Variants in SYN3 observed in about 807,000 individuals in gnomAD.
The protein encoded by SYN3 is synapsin-3.
Under a neutral mutation model 65.8 loss-of-function variants are expected in SYN3, and 35 were observed. The ratio of observed to expected loss-of-function variants is 0.53; its 90% CI spans 0.41 to 0.70. SYN3 has a LOEUF of 0.70. Among genes scored for constraint, SYN3 ranks in the 30% least tolerant of loss-of-function variants. The probability of loss-of-function intolerance (pLI) is 0.00; values close to 1 mark genes in which losing one functional copy is unlikely to be tolerated. For synonymous variants in SYN3, 270 were observed against 292.9 expected (o/e 0.92, Z 0.80); for missense variants, 680 against 749.0 (o/e 0.91, Z 1.08).
chr22:32,599,305 A>G (rs1425630753), intron 6 of SYN3, among the ~76,000 whole-genome samples: 4 of 151,392 alleles, frequency 2.6e-5, no homozygotes, highest in Non-Finnish European at 5.9e-5. Context: ...CTGCTTAGAC[A>G]GCTGAAGCCC....
intron 6 of SYN3, among the ~76,000 whole-genome samples, chr22:32,816,045 G>C (rs995768136): frequency 6.6e-6 from 1 of 152,178 alleles, no homozygotes; most frequent in Non-Finnish European, 1.5e-5. Flanking sequence ...AGGCAAAGCA[G>C]GCTCGTCTCC....
intron 6 of SYN3, chr22:32,861,140 C>T (rs1383210444): frequency 1.3e-5 from 2 of 148,438 alleles, no homozygotes; most frequent in Non-Finnish European, 3.0e-5. Flanking sequence ...GTTCATTCCA[C>T]TTTAGGAAAC....
chr22:32,821,369 C>A (rs1017499298), intron 6 of SYN3, among the ~76,000 whole-genome samples: 1 of 152,208 alleles, frequency 6.6e-6, no homozygotes. Flanking sequence ...TGAAGATCTG[C>A]ACTTGCTCTT....
chr22:32,934,573 A>T (rs1256651800), intron 3 of SYN3, among the ~76,000 whole-genome samples: 1 of 152,244 alleles, frequency 6.6e-6, no homozygotes, highest in South Asian at 2.1e-4. Context: ...CATGGAAATG[A>T]ACACAGAGGT....
At chr22:32,794,502 G>A (rs1190640559) in intron 6 of SYN3, among the ~76,000 whole-genome samples, 2 of 152,190 alleles carry the variant, frequency 1.3e-5, no homozygotes, top group African/African-American at 2.4e-5. Context: ...ATGTGTGACG[G>A]TGATACTCTG....
intron 1 of SYN3, chr22:33,014,960 A>C (rs899426285): frequency 1.6e-5 from 3 of 187,836 alleles, no homozygotes; most frequent in Non-Finnish European, 2.3e-5. Flanking sequence ...AAAAGTGGAT[A>C]ATTTACATGA....
intron 6 of SYN3, among the ~76,000 whole-genome samples, chr22:32,814,181 AAAAGAAAGAAAGAAAG>A (rs148074968): frequency 1.8e-5 from 2 of 109,752 alleles, no homozygotes; most frequent in African/African-American, 7.6e-5. Context: ...AGAAAGAAAG[AAAAGAAAGAAAGAAAG>A]AAAGAAAGAA....
chr22:32,933,867 G>C (rs1421183625), intron 3 of SYN3, among the ~76,000 whole-genome samples: 2 of 152,136 alleles, frequency 1.3e-5, no homozygotes, highest in Admixed American at 6.5e-5. Context: ...TTACATTGAA[G>C]GGAAATATCA....
chr22:32,669,753 G>A (rs2060335992), intron 6 of SYN3, among the ~76,000 whole-genome samples: 1 of 152,162 alleles, frequency 6.6e-6, no homozygotes, highest in South Asian at 2.1e-4. Flanking sequence ...ATTATGTTCT[G>A]GTAAGATTTA....
At chr22:33,050,344 G>A (rs926390732) in intron 1 of SYN3, among the ~76,000 whole-genome samples, 9 of 151,906 alleles carry the variant, frequency 5.9e-5, no homozygotes, top group African/African-American at 1.5e-4. Context: ...TTAGCCGGGC[G>A]TGGTGGTGCA....
intron 4 of SYN3, among the ~76,000 whole-genome samples, chr22:32,900,070 G>T (rs2146521500): frequency 1.5e-3 from 1 of 646 alleles, no homozygotes; most frequent in Non-Finnish European, 2.5e-3. Flanking sequence ...GCGAGACTCC[G>T]TCTCAAAAAA....
At chr22:32,581,792 C>CTTTTTTTTTT (rs10716395) in intron 7 of SYN3, among the ~76,000 whole-genome samples, 9 of 84,312 alleles carry the variant, frequency 1.1e-4, no homozygotes, top group African/African-American at 1.3e-4. Context: ...TTCTTTCTTT[C>CTTTTTTTTTT]TTTTTTTTTT....
intron 6 of SYN3, among the ~76,000 whole-genome samples, chr22:32,616,669 C>T (rs1008297995): frequency 3.3e-5 from 5 of 152,088 alleles, no homozygotes; most frequent in Non-Finnish European, 7.4e-5. Flanking sequence ...CAGACCCTAC[C>T]CTCGAAGGGT....
intron 6 of SYN3, among the ~76,000 whole-genome samples, chr22:32,841,846 A>G (rs1423149615): frequency 1.3e-5 from 2 of 152,118 alleles, no homozygotes; most frequent in Non-Finnish European, 2.9e-5. Flanking sequence ...CTTAAAATAA[A>G]AATACAATTT....
chr22:32,888,929 A>G (rs749319262), intron 4 of SYN3, among the ~76,000 whole-genome samples: 18 of 152,338 alleles, frequency 1.2e-4, no homozygotes, highest in African/African-American at 4.1e-4. Context: ...TTAAGGGATG[A>G]TGAGTTCTGC....
chr22:32,972,156 G>A (rs1032801290), intron 3 of SYN3, among the ~76,000 whole-genome samples: 4 of 152,146 alleles, frequency 2.6e-5, no homozygotes, highest in Non-Finnish European at 4.4e-5. Flanking sequence ...CACCTGCAAT[G>A]CTTTTGGAAC....
intron 3 of SYN3, among the ~76,000 whole-genome samples, chr22:32,952,298 G>GT (rs1480597401): frequency 5.9e-5 from 9 of 151,594 alleles, no homozygotes; most frequent in African/African-American, 1.7e-4. Flanking sequence ...GTGTGTGGGG[G>GT]GGTGTGTGTG....
At chr22:32,532,319 C>G (rs895799378) in intron 10 of SYN3, among the ~76,000 whole-genome samples, 1 of 152,306 alleles carries the variant, frequency 6.6e-6, no homozygotes, top group Non-Finnish European at 1.5e-5. Flanking sequence ...GCTGGGGGTT[C>G]CTGCCCCACC....
At position 32,605,326 on chromosome 22, in the gene SYN3, G is replaced by A. The variant is rs2059357631; in HGVS notation, c.712-8590C>T. ...GAATGGCAAGCTTGGGAAGGGCCTG[G>A]CACCAGAGGTAGGAGTTTGAACTGT... On this transcript the variant is annotated intron_variant, in intron 6 of 13. Coordinates refer to ENST00000358763, the MANE Select transcript of SYN3 (RefSeq NM_003490.4). 5.3e-5 allele frequency among the ~76,000 whole-genome samples: 8 copies of A among 152,276 alleles called. No homozygotes were observed. The South Asian group carries it at 1.7e-3, about 32-fold the overall frequency.
Sources: gnomAD v4.1 joint callset for allele counts (sites outside exome capture counted in the v4.1 genomes callset) on GRCh38, gnomAD v4.1.1 for gene constraint, MANE v1.5 for transcripts, NCBI Gene and HGNC (gene_info 2026-07-23, HGNC 2026-07-21) for gene names.